Variants in RBMS3 observed in about 807,000 individuals in gnomAD.
The protein encoded by RBMS3 is RNA binding motif single stranded interacting protein 3, also known as RNA-binding motif, single-stranded-interacting protein 3.
In RBMS3, 27 loss-of-function variants were observed where a neutral mutation model predicts 66.8. That is an observed-to-expected ratio of 0.40 (90% CI 0.30 to 0.56). The LOEUF (loss-of-function observed/expected upper bound fraction) is 0.56. Among genes scored for constraint, RBMS3 ranks in the 20% least tolerant of loss-of-function variants. The pLI is 0.40. For missense variants in RBMS3, 513 were observed against 549.5 expected (o/e 0.93, Z 0.66); for synonymous variants, 188 against 183.0 (o/e 1.03, Z -0.22).
At chr3:29,451,657 C>T (rs1023288491) in intron 2 of RBMS3, among the ~76,000 whole-genome samples, 1 of 151,962 alleles carries the variant, frequency 6.6e-6, no homozygotes, top group Non-Finnish European at 1.5e-5. Context: ...CACAAAACCA[C>T]TGGGGAAGGA....
At chr3:29,989,441 T>C (rs1458404842) in intron 13 of RBMS3, among the ~76,000 whole-genome samples, 5 of 152,202 alleles carry the variant, frequency 3.3e-5, no homozygotes, top group African/African-American at 1.2e-4. Flanking sequence ...TCTCAGCAGC[T>C]GGGAATCCCC....
At chr3:29,862,156 C>T (rs922738627) in intron 6 of RBMS3, among the ~76,000 whole-genome samples, 3 of 152,054 alleles carry the variant, frequency 2.0e-5, no homozygotes, top group Non-Finnish European at 2.9e-5. Context: ...CAGTCATAAC[C>T]AAAACAGTTC....
chr3:29,653,411 A>T (rs138167440), intron 4 of RBMS3, among the ~76,000 whole-genome samples: 1 of 152,164 alleles, frequency 6.6e-6, no homozygotes, highest in African/African-American at 2.4e-5. Flanking sequence ...ATCACTGAAG[A>T]TGCATAACGC....
chr3:29,866,602 A>C (rs1411135861), intron 6 of RBMS3, among the ~76,000 whole-genome samples: 1 of 152,232 alleles, frequency 6.6e-6, no homozygotes. Context: ...ATGAGTTTAC[A>C]TGTGATATAA....
At chr3:29,576,981 G>T (rs1482203712) in intron 3 of RBMS3, among the ~76,000 whole-genome samples, 2 of 152,266 alleles carry the variant, frequency 1.3e-5, no homozygotes, top group East Asian at 3.9e-4. Context: ...TGCCACAGTG[G>T]CTGAACTGGT....
At chr3:29,296,952 C>T (rs928123648) in intron 1 of RBMS3, among the ~76,000 whole-genome samples, 1 of 151,048 alleles carries the variant, frequency 6.6e-6, no homozygotes, top group Non-Finnish European at 1.5e-5. Context: ...TTTTTTAACC[C>T]ACACTTAAAA....
intron 10 of RBMS3, among the ~76,000 whole-genome samples, chr3:29,935,245 C>T (rs181265779): frequency 6.6e-6 from 1 of 152,144 alleles, no homozygotes; most frequent in East Asian, 1.9e-4. Context: ...AATGACTTAG[C>T]TCCATTCTTC....
intron 1 of RBMS3, among the ~76,000 whole-genome samples, chr3:29,417,515 T>C (rs951150210): frequency 3.3e-5 from 5 of 152,186 alleles, no homozygotes; most frequent in Non-Finnish European, 4.4e-5. Context: ...AATTTGGGAA[T>C]ATCCTATGGG....
At chr3:29,637,777 A>T (rs974042300) in intron 4 of RBMS3, among the ~76,000 whole-genome samples, 1 of 151,934 alleles carries the variant, frequency 6.6e-6, no homozygotes, top group Non-Finnish European at 1.5e-5. Flanking sequence ...TTTAGTGCCC[A>T]TAACAACATG....
At chr3:29,803,847 A>C (rs112141682) in intron 6 of RBMS3, among the ~76,000 whole-genome samples, 43 of 152,204 alleles carry the variant, frequency 2.8e-4, no homozygotes, top group African/African-American at 1.0e-3. Context: ...AACTGCAATT[A>C]TTGTAATTAT....
intron 1 of RBMS3, among the ~76,000 whole-genome samples, chr3:29,367,541 A>G (rs2037975843): frequency 1.3e-5 from 2 of 152,158 alleles, no homozygotes; most frequent in Non-Finnish European, 2.9e-5. Flanking sequence ...ATTGATATTT[A>G]TAATCAGAAA....
At chr3:29,408,535 A>G (rs1387202650) in intron 1 of RBMS3, among the ~76,000 whole-genome samples, 2 of 152,154 alleles carry the variant, frequency 1.3e-5, no homozygotes, top group Non-Finnish European at 1.5e-5. Flanking sequence ...TTGTTACAGA[A>G]TAGACATTTG....
intron 12 of RBMS3, among the ~76,000 whole-genome samples, chr3:29,973,827 C>A (rs1697381606): frequency 6.6e-6 from 1 of 151,858 alleles, no homozygotes; most frequent in African/African-American, 2.4e-5. Flanking sequence ...TCTTTCATGA[C>A]CCTATGGCAA....
At chr3:29,467,615 G>A (rs1376073804) in intron 2 of RBMS3, among the ~76,000 whole-genome samples, 1 of 152,040 alleles carries the variant, frequency 6.6e-6, no homozygotes, top group African/African-American at 2.4e-5. Flanking sequence ...ATGTGAATTT[G>A]GTAAAATGTT....
intron 1 of RBMS3, among the ~76,000 whole-genome samples, chr3:29,335,752 G>A (rs1428192505): frequency 3.3e-5 from 5 of 152,108 alleles, no homozygotes; most frequent in Admixed American, 3.3e-4. Context: ...ACAGGAACAG[G>A]GGTCAGCCTG....
chr3:29,672,602 C>A (rs887497495), intron 4 of RBMS3, among the ~76,000 whole-genome samples: 7 of 151,924 alleles, frequency 4.6e-5, no homozygotes, highest in Admixed American at 3.3e-4. Flanking sequence ...ATCTACCAAG[C>A]AAATGGAAAA....
At chr3:29,372,693 G>A (rs2038267717) in intron 1 of RBMS3, among the ~76,000 whole-genome samples, 1 of 151,840 alleles carries the variant, frequency 6.6e-6, no homozygotes, top group African/African-American at 2.4e-5. Flanking sequence ...GTCTCGGGGA[G>A]ACAAAGCACA....
intron 4 of RBMS3, chr3:29,698,759 A>C (rs1214276871): frequency 2.4e-6 from 1 of 416,294 alleles, no homozygotes; most frequent in Non-Finnish European, 3.2e-6. Context: ...CATAATTTAT[A>C]GAGCTTATTT....
At chr3:29,525,830 A>G (rs1422215516) in intron 3 of RBMS3, among the ~76,000 whole-genome samples, 1 of 152,126 alleles carries the variant, frequency 6.6e-6, no homozygotes, top group African/African-American at 2.4e-5. Context: ...TGAATCTGGA[A>G]CTGCTGCCAA....
Sources: allele counts gnomAD v4.1 joint callset (sites outside exome capture counted in the v4.1 genomes callset), GRCh38; gene constraint gnomAD v4.1.1; transcripts MANE v1.5; gene names NCBI Gene and HGNC (gene_info 2026-07-23, HGNC 2026-07-21).